LDLRAD4: variants seen among roughly 807,000 people sequenced by gnomAD.
The protein encoded by LDLRAD4 is low density lipoprotein receptor class A domain containing 4, also known as low-density lipoprotein receptor class A domain-containing protein 4.
LDLRAD4 carries 5 observed loss-of-function variants against 17.0 expected under a neutral mutation model. That is an observed-to-expected ratio of 0.29 (90% CI 0.15 to 0.62). The LOEUF is 0.62. LDLRAD4 is among the 20% of genes least tolerant of loss of function. The probability of loss-of-function intolerance (pLI) is 0.84; values close to 1 mark genes in which losing one functional copy is unlikely to be tolerated. For synonymous variants in LDLRAD4, 168 were observed against 171.8 expected (o/e 0.98, Z 0.17); for missense variants, 340 against 424.7 (o/e 0.80, Z 1.75).
chr18:13,582,167 A>T (rs2094869666), intron 3 of LDLRAD4, among the ~76,000 whole-genome samples: 1 of 152,190 alleles, frequency 6.6e-6, no homozygotes, highest in Non-Finnish European at 1.5e-5. Context: ...GCCAAAAATG[A>T]GGGAAAAAAC....
intron 1 of LDLRAD4, among the ~76,000 whole-genome samples, chr18:13,245,493 T>C (rs929142701): frequency 6.6e-6 from 1 of 152,222 alleles, no homozygotes; most frequent in Non-Finnish European, 1.5e-5. Flanking sequence ...ACTTTTCATA[T>C]GTGAAACCGA....
chr18:13,509,728 G>T (rs568164446), intron 3 of LDLRAD4, among the ~76,000 whole-genome samples: 65 of 152,328 alleles, frequency 4.3e-4, no homozygotes, highest in African/African-American at 1.3e-3. Context: ...CATGTACAGA[G>T]AAATCTTTTG....
At chr18:13,302,692 T>C (rs2146594882) in intron 1 of LDLRAD4, among the ~76,000 whole-genome samples, 1 of 152,266 alleles carries the variant, frequency 6.6e-6, no homozygotes, top group Non-Finnish European at 1.5e-5. Flanking sequence ...GCTCTGCAAC[T>C]ACAGAGGGAA....
chr18:13,322,290 C>CTTTTTTTTT lies in LDLRAD4; in HGVS notation c.-383+44115_-383+44123dup, dbSNP rs370707500. 7.2e-4 allele frequency among the ~76,000 whole-genome samples: 79 copies of CTTTTTTTTT among 109,738 alleles called. 1 individual carries two copies. Among genetic ancestry groups the CTTTTTTTTT allele is most frequent in the Middle Eastern group, 7.6e-3 (1 of 132 alleles). The allele number at this position is 109,738 out of a possible 152,430, so 72.0% of individuals were successfully genotyped here. On this transcript the variant is annotated intron_variant, in intron 1 of 5. Coordinates refer to ENST00000359446, the Ensembl canonical transcript of LDLRAD4. Reference sequence around the variant, plus strand: ...TTATTTAAGCCAGTCACTTTTCTCACTTTTTTTTTTTTTTTTTTTTTGGTT... The same window carrying CTTTTTTTTT: ...TTATTTAAGCCAGTCACTTTTCTCACTTTTTTTTTTTTTTTTTTTTTTTTTTTTTTGGTT...
chr18:13,462,900 G>A (rs1372656292), intron 3 of LDLRAD4, among the ~76,000 whole-genome samples: 9 of 152,136 alleles, frequency 5.9e-5, no homozygotes, highest in African/African-American at 2.2e-4. Flanking sequence ...ATACTCTCAC[G>A]CGGAGATGTT....
At chr18:13,561,207 G>A (rs2094537284) in intron 3 of LDLRAD4, among the ~76,000 whole-genome samples, 3 of 152,216 alleles carry the variant, frequency 2.0e-5, no homozygotes, top group South Asian at 2.1e-4. Context: ...CGTTAAGAGC[G>A]TGACATGAAA....
At chr18:13,589,356 A>G (rs2094978334) in intron 3 of LDLRAD4, among the ~76,000 whole-genome samples, 1 of 152,166 alleles carries the variant, frequency 6.6e-6, no homozygotes, top group African/African-American at 2.4e-5. Flanking sequence ...GTCTGTGTAC[A>G]TGGGGCCCCA....
intron 1 of LDLRAD4, among the ~76,000 whole-genome samples, chr18:13,232,186 C>A (rs2042112176): frequency 6.6e-6 from 1 of 152,246 alleles, no homozygotes; most frequent in East Asian, 1.9e-4. Flanking sequence ...CTGCTCTCAT[C>A]TCCTCCCTGT....
intron 2 of LDLRAD4, among the ~76,000 whole-genome samples, chr18:13,425,530 G>A (rs1227456561): frequency 1.3e-5 from 2 of 152,208 alleles, no homozygotes; most frequent in Non-Finnish European, 2.9e-5. Context: ...CTCCAGGAAG[G>A]TGGAGGAATA....
chr18:13,226,857 G>A (rs1318438456), intron 1 of LDLRAD4, among the ~76,000 whole-genome samples: 1 of 152,138 alleles, frequency 6.6e-6, no homozygotes, highest in Non-Finnish European at 1.5e-5. Context: ...ACTGCTCTTG[G>A]TCTTCCCCCA....
At chr18:13,560,662 A>G (rs1041949557) in intron 3 of LDLRAD4, among the ~76,000 whole-genome samples, 3 of 152,224 alleles carry the variant, frequency 2.0e-5, no homozygotes, top group Non-Finnish European at 2.9e-5. Context: ...CAGAAATCAG[A>G]GAGTTTGTCT....
At chr18:13,451,918 A>G (rs930544708) in intron 3 of LDLRAD4, among the ~76,000 whole-genome samples, 2 of 152,220 alleles carry the variant, frequency 1.3e-5, no homozygotes, top group African/African-American at 4.8e-5. Context: ...GGGAGAGAGT[A>G]CAAAAACTTT....
At chr18:13,410,159 G>A (rs1423921978) in intron 2 of LDLRAD4, among the ~76,000 whole-genome samples, 3 of 151,996 alleles carry the variant, frequency 2.0e-5, no homozygotes, top group African/African-American at 7.3e-5. Flanking sequence ...AGGCAAGGAG[G>A]GACTTCCGAC....
intron 3 of LDLRAD4, among the ~76,000 whole-genome samples, chr18:13,563,334 C>G (rs1187424808): frequency 6.6e-6 from 1 of 152,142 alleles, no homozygotes; most frequent in African/African-American, 2.4e-5. Context: ...CCAGACACTT[C>G]AGATGAAAAT....
chr18:13,579,556 C>G (rs1288976048), intron 3 of LDLRAD4, among the ~76,000 whole-genome samples: 1 of 152,174 alleles, frequency 6.6e-6, no homozygotes, highest in East Asian at 1.9e-4. Context: ...ATTATCTTGG[C>G]TGGTGATTGG....
intron 1 of LDLRAD4, among the ~76,000 whole-genome samples, chr18:13,246,993 GAC>G (rs1432749029): frequency 6.6e-6 from 1 of 150,664 alleles, no homozygotes; most frequent in Non-Finnish European, 1.5e-5. Flanking sequence ...ACTGCACACA[GAC>G]ACAGTGATGG....
At chr18:13,518,778 G>A (rs77877519) in intron 3 of LDLRAD4, among the ~76,000 whole-genome samples, 1,823 of 152,244 alleles carry the variant, frequency 0.012, 41 homozygotes, top group African/African-American at 0.041. Flanking sequence ...GACTCACCCA[G>A]AGAGTATGAT....
intron 3 of LDLRAD4, chr18:13,522,883 T>G (rs2093974196): frequency 6.6e-6 from 1 of 152,242 alleles, no homozygotes; most frequent in Non-Finnish European, 1.5e-5. Flanking sequence ...GTACGAAGTT[T>G]GTAAAGGTGC....
At chr18:13,596,182 A>G (rs893004971) in intron 3 of LDLRAD4, among the ~76,000 whole-genome samples, 2 of 152,078 alleles carry the variant, frequency 1.3e-5, no homozygotes, top group Non-Finnish European at 2.9e-5. Flanking sequence ...TGGTATTAGT[A>G]TGGTCGCACC....
Sources: allele counts gnomAD v4.1 joint callset (sites outside exome capture counted in the v4.1 genomes callset), GRCh38; gene constraint gnomAD v4.1.1; transcripts MANE v1.5; gene names NCBI Gene and HGNC (gene_info 2026-07-23, HGNC 2026-07-21).